Variants in LINGO1 observed in about 807,000 individuals in gnomAD.
The protein encoded by LINGO1 is leucine rich repeat and Ig domain containing 1, also known as leucine-rich repeat and immunoglobulin-like domain-containing nogo receptor-interacting protein 1.
LINGO1 carries 11 observed loss-of-function variants against 37.3 expected under a neutral mutation model. The observed-to-expected ratio is 0.29, with a 90% confidence interval of 0.19 to 0.49. The LOEUF (loss-of-function observed/expected upper bound fraction) is 0.49. LINGO1 is among the 20% of genes least tolerant of loss of function. The pLI is 0.99. For synonymous variants in LINGO1, 387 were observed against 403.0 expected, an observed-to-expected ratio of 0.96 and a Z score of 0.48; for missense variants, 585 against 878.2, an observed-to-expected ratio of 0.67 and a Z score of 4.22.
chr15:77,776,509 G>T (rs1277228552), intron 1 of LINGO1, among the ~76,000 whole-genome samples: 25 of 85,094 alleles, frequency 2.9e-4, no homozygotes, highest in African/African-American at 1.1e-3. Context: ...AGGAAGGCAG[G>T]AAGGCAGGAA....
upstream of LINGO1, among the ~76,000 whole-genome samples, chr15:77,699,182 A>G (rs1239416582): frequency 2.0e-5 from 3 of 151,930 alleles, no homozygotes; most frequent in African/African-American, 7.3e-5. Context: ...GGACCTTGGT[A>G]GTCCCCTCGT....
At chr15:77,680,529 A>G (rs1422687638) in intron 2 of LINGO1, among the ~76,000 whole-genome samples, 1 of 152,186 alleles carries the variant, frequency 6.6e-6, no homozygotes, top group African/African-American at 2.4e-5. Flanking sequence ...CCCAAATTCA[A>G]GAGTTCCCTA....
At chr15:77,738,758 A>G (rs67133828) in intron 1 of LINGO1, among the ~76,000 whole-genome samples, 12,773 of 69,272 alleles carry the variant, frequency 0.18, 666 homozygotes, top group Non-Finnish European at 0.21. Context: ...GAAGGAAGGA[A>G]GGAAGGAAGG....
At chr15:77,633,345 T>A (rs2074326329), upstream of LINGO1, among the ~76,000 whole-genome samples, 1 of 151,730 alleles carries the variant, frequency 6.6e-6, no homozygotes, top group South Asian at 2.1e-4. Context: ...TTAACTGGGC[T>A]GTGGACGAAC....
chr15:77,786,664 C>T (rs1407705663), intron 1 of LINGO1, among the ~76,000 whole-genome samples: 1 of 152,206 alleles, frequency 6.6e-6, no homozygotes, highest in East Asian at 1.9e-4. Context: ...AGGAGCCACC[C>T]GTGGCACCAT....
chr15:77,717,803 T>C (rs905834154), intron 2 of LINGO1, among the ~76,000 whole-genome samples: 34 of 150,604 alleles, frequency 2.3e-4, no homozygotes, highest in African/African-American at 8.2e-4. Flanking sequence ...CCCCATTGGA[T>C]ACCTACAGTC....
rs146737504 is a variant in LINGO1, at chr15:77,666,327, G to C, written c.-13+10762C>G. On this transcript the variant is annotated intron_variant, in intron 3 of 3. Coordinates refer to the LINGO1 transcript ENST00000559893. The stretch of plus-strand genomic sequence containing the variant: ...AGCCCTGGTGGAGGACCTGTTGTTA[G>C]AAAGTGTGCAGCGCTCCTGGGGGCA... 5.8e-4 allele frequency among the ~76,000 whole-genome samples: 88 copies of C among 152,354 alleles called. 1 individual carries two copies. The East Asian group carries it at 0.016, about 28-fold the overall frequency.
chr15:77,663,569 C>T lies in LINGO1; in HGVS notation c.-13+13520G>A, dbSNP rs868656337. On this transcript the variant is annotated intron_variant, in intron 3 of 3. Transcript: ENST00000559893. ...TGACATCTTCAGGTATTTATCTGCC[C>T]TTCTCTCAGAAACCCCTTCCCACCT... is the stretch of plus-strand genomic sequence containing the variant. Among the ~76,000 whole-genome samples, 28 of 152,330 alleles carry T rather than the reference C, an allele frequency of 1.8e-4. No homozygotes were observed. In the Middle Eastern group the frequency reaches 0.014, roughly 74 times the overall value.
intron 1 of LINGO1, among the ~76,000 whole-genome samples, chr15:77,767,707 G>C (rs541846489): frequency 1.3e-5 from 2 of 152,280 alleles, no homozygotes; most frequent in Admixed American, 1.3e-4. Flanking sequence ...ACTGGGGAAA[G>C]TTGGGAACCG....
At chr15:77,735,284 G>T (rs2076193146) in intron 1 of LINGO1, among the ~76,000 whole-genome samples, 1 of 152,182 alleles carries the variant, frequency 6.6e-6, no homozygotes, top group Non-Finnish European at 1.5e-5. Flanking sequence ...CAAGGGCCTG[G>T]GCTACAGCAG....
chr15:77,627,416 C>T (rs921011148), intron 1 of LINGO1, among the ~76,000 whole-genome samples: 5 of 152,102 alleles, frequency 3.3e-5, no homozygotes, highest in Admixed American at 6.5e-5. Flanking sequence ...CCTCGCGGGT[C>T]GGGGCCCTGC....
intron 1 of LINGO1, among the ~76,000 whole-genome samples, chr15:77,801,159 T>C (rs561160572): frequency 2.0e-5 from 3 of 152,358 alleles, no homozygotes; most frequent in South Asian, 2.1e-4. Flanking sequence ...ATTCCACTTC[T>C]GGGAGCCTCT....
chr15:77,749,430 TTTTA>T (rs2076349127), intron 1 of LINGO1, among the ~76,000 whole-genome samples: 1 of 152,178 alleles, frequency 6.6e-6, no homozygotes, highest in Non-Finnish European at 1.5e-5. Context: ...TCTTCCCTGG[TTTTA>T]TTTCTCAGTC....
chr15:77,788,391 T>C (rs185499738), upstream of LINGO1: 4 of 152,248 alleles, frequency 2.6e-5, no homozygotes, highest in African/African-American at 9.7e-5. Context: ...ACGTTCTCAT[T>C]ATTCCCAGTT....
rs370244225 is a variant in LINGO1 at position 77,718,190 on chromosome 15, C to T, written c.-195+16802G>A. ...TCCAGGGCCCACGGAGGGGTCTTGC[C>T]GTGGCCCTCAGCTTCACACGCAGAC... On this transcript the variant is annotated intron_variant, in intron 2 of 3. Transcript: ENST00000561686. Among the ~76,000 whole-genome samples, 23 of 149,216 alleles carry T rather than the reference C, an allele frequency of 1.5e-4. 2 individuals carry two copies. The highest frequency in any genetic ancestry group is 4.9e-4 in the African/African-American group (20 of 40,980).
chr15:77,726,847 C>CTGA (rs1231471037), intron 2 of LINGO1, among the ~76,000 whole-genome samples: 1 of 152,214 alleles, frequency 6.6e-6, no homozygotes, highest in Non-Finnish European at 1.5e-5. Flanking sequence ...ACCCATGTAT[C>CTGA]TGAAAGGGGT....
rs2076651152 is a variant in LINGO1 at position 77,776,522 on chromosome 15, G to GGAAGGC, written c.-257+10346_-257+10347insGCCTTC. Among the ~76,000 whole-genome samples the GGAAGGC allele has an allele frequency of 4.8e-4, 25 of 52,478 alleles. 1 individual carries two copies. The highest frequency in any genetic ancestry group is 9.4e-4 in the East Asian group (2 of 2,130). 34.4% of individuals were successfully genotyped at this position (52,478 alleles called of 152,430 possible). A position where few individuals can be genotyped will look rare whatever the true frequency, so the allele number is the denominator to read the frequency against. On this transcript the variant is annotated intron_variant, in intron 1 of 3. Coordinates refer to the LINGO1 transcript ENST00000561686. ...GCAGGAAGGCAGGAAGGCAGGAAGG[G>GGAAGGC]AGGAAGGGAGGGAGGGAGGGAGGGA...
At chr15:77,707,162 C>T (rs886357100) in intron 2 of LINGO1, among the ~76,000 whole-genome samples, 4 of 152,112 alleles carry the variant, frequency 2.6e-5, no homozygotes, top group Non-Finnish European at 4.4e-5. Context: ...CAGGATGTGC[C>T]ATGTCTTCTG....
rs2076725942 is a variant in LINGO1, at chr15:77,782,219, ACACAC to A, written c.-257+4645_-257+4649del. On this transcript the variant is annotated intron_variant, in intron 1 of 3. Transcript: ENST00000561686. ...CTCAAGTGTGCGCACGCGTACACACACACACACACACACACACACACACACACGTG... is the reference window on the plus strand; with the variant it reads ...CTCAAGTGTGCGCACGCGTACACACAACACACACACACACACACACACGTG... Among the ~76,000 whole-genome samples, 5 of 44,152 alleles carry A rather than the reference ACACAC, an allele frequency of 1.1e-4. No individual in the cohort carries two copies. The South Asian group carries it at 6.5e-3, about 58-fold the overall frequency. 29.0% of individuals were successfully genotyped at this position (44,152 alleles called of 152,430 possible).
Sources: gnomAD v4.1 joint callset for allele counts (sites outside exome capture counted in the v4.1 genomes callset) on GRCh38, gnomAD v4.1.1 for gene constraint, MANE v1.5 for transcripts, NCBI Gene and HGNC (gene_info 2026-07-23, HGNC 2026-07-21) for gene names.